Variants in RASEF observed in about 807,000 individuals in gnomAD.
RASEF encodes RAS and EF-hand domain containing, also known as ras and EF-hand domain-containing protein.
RASEF carries 68 observed loss-of-function variants against 90.1 expected under a neutral mutation model. That is an observed-to-expected ratio of 0.75 (90% CI 0.62 to 0.92). The LOEUF is 0.92. RASEF is among the 40% of genes least tolerant of loss of function. RASEF has a pLI of 0.00. For missense variants in RASEF, 949 were observed against 937.2 expected, an observed-to-expected ratio of 1.01 and a Z score of -0.16; for synonymous variants, 331 against 345.2, an observed-to-expected ratio of 0.96 and a Z score of 0.46.
intron 1 of RASEF, among the ~76,000 whole-genome samples, chr9:83,042,212 C>T (rs1829855945): frequency 6.6e-6 from 1 of 152,030 alleles, no homozygotes; most frequent in Non-Finnish European, 1.5e-5. Context: ...GGAATAAATG[C>T]CTAATTGTTG....
the RASEF span, among the ~76,000 whole-genome samples, chr9:83,167,626 T>G: frequency 2.0e-5 from 3 of 152,138 alleles, no homozygotes; most frequent in Admixed American, 6.6e-5. Flanking sequence ...TTTGGAACAT[T>G]TTTATCATCC....
intron 1 of RASEF, among the ~76,000 whole-genome samples, chr9:83,039,323 C>T (rs564194619): frequency 1.3e-5 from 2 of 152,252 alleles, no homozygotes; most frequent in South Asian, 4.1e-4. Context: ...CCCTATCAGT[C>T]TCATATCCCC....
At chr9:83,148,887 A>G in the RASEF span, among the ~76,000 whole-genome samples, 4 of 152,182 alleles carry the variant, frequency 2.6e-5, no homozygotes, top group East Asian at 3.9e-4. Context: ...GGGATCTACC[A>G]TTCTATAAAG....
chr9:83,163,143 T>C, the RASEF span, among the ~76,000 whole-genome samples: 2 of 152,124 alleles, frequency 1.3e-5, no homozygotes, highest in Admixed American at 1.3e-4. Flanking sequence ...CTATTCCACC[T>C]AAGGAGAAGG....
At chr9:83,058,404 C>G (rs111960504) in intron 1 of RASEF, among the ~76,000 whole-genome samples, 7,985 of 147,720 alleles carry the variant, frequency 0.054, 625 homozygotes, top group African/African-American at 0.16. Context: ...GGATGGTCTC[C>G]ATCTCCTGAC....
the RASEF span, among the ~76,000 whole-genome samples, chr9:83,079,990 T>C: frequency 9.9e-5 from 15 of 152,220 alleles, no homozygotes; most frequent in African/African-American, 3.1e-4. Context: ...TTAAAATAAG[T>C]GTATAGGTAG....
At chr9:83,012,223 G>A (rs1829259477) in intron 5 of RASEF, among the ~76,000 whole-genome samples, 1 of 152,166 alleles carries the variant, frequency 6.6e-6, no homozygotes, top group Non-Finnish European at 1.5e-5. Context: ...TACTTTGTAT[G>A]AAAAATAAGT....
At chr9:83,165,733 A>T in the RASEF span, among the ~76,000 whole-genome samples, 1 of 152,172 alleles carries the variant, frequency 6.6e-6, no homozygotes, top group Non-Finnish European at 1.5e-5. Flanking sequence ...TGAAAACTTC[A>T]GTACAATAGA....
chr9:83,198,527 A>G, the RASEF span, among the ~76,000 whole-genome samples: 15 of 152,212 alleles, frequency 9.9e-5, no homozygotes, highest in South Asian at 2.9e-3. Context: ...TTGTTAACTC[A>G]CTGGACTGAC....
chr9:83,072,682 G>A, the RASEF span, among the ~76,000 whole-genome samples: 37 of 152,312 alleles, frequency 2.4e-4, no homozygotes, highest in African/African-American at 8.7e-4. Flanking sequence ...GAAGCATCTA[G>A]CTTGGGAAAT....
the RASEF span, among the ~76,000 whole-genome samples, chr9:83,105,177 C>T: frequency 1.3e-5 from 2 of 152,180 alleles, no homozygotes; most frequent in Non-Finnish European, 2.9e-5. Context: ...TTTCCACCTC[C>T]TTTTGCTGCT....
the RASEF span, among the ~76,000 whole-genome samples, chr9:83,108,252 A>G: frequency 6.6e-6 from 1 of 152,198 alleles, no homozygotes; most frequent in African/African-American, 2.4e-5. Context: ...GAAAGAAACA[A>G]CAAAATTAAA....
At chr9:83,215,535 C>A in the RASEF span, among the ~76,000 whole-genome samples, 1 of 152,344 alleles carries the variant, frequency 6.6e-6, no homozygotes, top group African/African-American at 2.4e-5. Flanking sequence ...ACTCCTGTCA[C>A]ACATCCTGCT....
the RASEF span, among the ~76,000 whole-genome samples, chr9:83,130,450 G>C: frequency 1.3e-5 from 2 of 152,086 alleles, no homozygotes; most frequent in African/African-American, 4.8e-5. Context: ...TCACATTAAG[G>C]TTCACTCTTG....
the RASEF span, among the ~76,000 whole-genome samples, chr9:83,075,331 T>C: frequency 2.0e-5 from 3 of 152,194 alleles, no homozygotes; most frequent in African/African-American, 7.2e-5. Flanking sequence ...TAATTTTGAA[T>C]TGCTCAGTTG....
the RASEF span, among the ~76,000 whole-genome samples, chr9:83,147,664 A>G: frequency 6.6e-6 from 1 of 152,096 alleles, no homozygotes; most frequent in Non-Finnish European, 1.5e-5. Context: ...TCTGCCATCT[A>G]CAGACAGCTT....
At chr9:83,195,516 C>T in the RASEF span, among the ~76,000 whole-genome samples, 1 of 152,148 alleles carries the variant, frequency 6.6e-6, no homozygotes, top group Admixed American at 6.5e-5. Flanking sequence ...TCAACAAATG[C>T]TTATTTACCT....
chr9:83,159,305 C>A, the RASEF span, among the ~76,000 whole-genome samples: 19 of 152,002 alleles, frequency 1.2e-4, no homozygotes, highest in African/African-American at 4.6e-4. Flanking sequence ...TGTAAATTAA[C>A]CTTAAATGTT....
At chr9:82,984,117 A>G (rs1338806885) in intron 16 of RASEF, among the ~76,000 whole-genome samples, 3 of 152,360 alleles carry the variant, frequency 2.0e-5, no homozygotes, top group East Asian at 1.9e-4. Context: ...CAGAAATACA[A>G]TGGGATCCAT....
Sources: allele counts gnomAD v4.1 joint callset (sites outside exome capture counted in the v4.1 genomes callset), GRCh38; gene constraint gnomAD v4.1.1; transcripts MANE v1.5; gene names NCBI Gene and HGNC (gene_info 2026-07-23, HGNC 2026-07-21).